KCNMA1: variants seen among roughly 807,000 people sequenced by gnomAD.
KCNMA1 encodes the protein Calcium-activated potassium channel subunit alpha-1.
Under a neutral mutation model 140.0 loss-of-function variants are expected in KCNMA1, and 29 were observed. That is an observed-to-expected ratio of 0.21 (90% CI 0.15 to 0.28). The LOEUF is 0.28. KCNMA1 is among the 10% of genes least tolerant of loss of function. KCNMA1 has a pLI of 1.00. For synonymous variants in KCNMA1, 612 were observed against 611.9 expected (o/e 1.00, Z 0.00); for missense variants, 880 against 1,602.2 (o/e 0.55, Z 7.70).
At chr10:77,060,809 A>G (rs1343954172) in intron 14 of KCNMA1, among the ~76,000 whole-genome samples, 1 of 152,168 alleles carries the variant, frequency 6.6e-6, no homozygotes, top group Admixed American at 6.5e-5. Context: ...AGAAGAAGAA[A>G]TAGGAGATGT....
chr10:77,030,859 T>C lies in KCNMA1; in HGVS notation c.1860-2968A>G, dbSNP rs182927705. On this transcript the variant is annotated intron_variant, in intron 15 of 27. Coordinates refer to ENST00000286628, the MANE Select transcript of KCNMA1 (RefSeq NM_001161352.2). ...CCCAAGCTGATTCTACAATGCCTTA[T>C]AGAAGCCCCTTTTAAAAAGTCCTTT... Among the ~76,000 whole-genome samples the C allele has an allele frequency of 7.8e-3, 1,192 of 152,278 alleles. 16 individuals carry two copies. The highest frequency in any genetic ancestry group is 0.027 in the African/African-American group (1,125 of 41,562).
At chr10:77,397,434 C>G (rs1488939257) in intron 2 of KCNMA1, among the ~76,000 whole-genome samples, 1 of 152,084 alleles carries the variant, frequency 6.6e-6, no homozygotes, top group East Asian at 1.9e-4. Context: ...ATGATTAGAT[C>G]AGGGTAACAG....
At chr10:77,632,887 C>T (rs145804309) in intron 1 of KCNMA1, among the ~76,000 whole-genome samples, 26 of 152,312 alleles carry the variant, frequency 1.7e-4, no homozygotes, top group African/African-American at 5.8e-4. Context: ...CATCAGTATG[C>T]TCTTGGTATA....
At chr10:77,561,692 A>AT (rs2066453548) in intron 1 of KCNMA1, among the ~76,000 whole-genome samples, 1 of 152,198 alleles carries the variant, frequency 6.6e-6, no homozygotes, top group South Asian at 2.1e-4. Flanking sequence ...AAGGGGCACC[A>AT]TTGGCTAGGC....
intron 1 of KCNMA1, among the ~76,000 whole-genome samples, chr10:77,508,586 T>C (rs200840201): frequency 1.1e-3 from 95 of 89,532 alleles, no homozygotes; most frequent in Middle Eastern, 5.7e-3. Context: ...CTTTTCTTTT[T>C]TTTTTTTTTT....
intron 5 of KCNMA1, among the ~76,000 whole-genome samples, chr10:77,147,395 A>G (rs985430422): frequency 6.6e-6 from 1 of 151,936 alleles, no homozygotes; most frequent in African/African-American, 2.4e-5. Flanking sequence ...CTAATCTCCA[A>G]TTCGTCTTTG....
intron 3 of KCNMA1, among the ~76,000 whole-genome samples, chr10:77,198,010 A>G (rs578075925): frequency 2.0e-5 from 3 of 152,332 alleles, no homozygotes; most frequent in Admixed American, 6.5e-5. Flanking sequence ...CCGTTACTCA[A>G]TGAAATGGCT....
chr10:76,989,902 C>G (rs1458240081), intron 19 of KCNMA1, among the ~76,000 whole-genome samples: 1 of 151,780 alleles, frequency 6.6e-6, no homozygotes, highest in African/African-American at 2.4e-5. Context: ...ATCTAGCAGT[C>G]CACTCATCCG....
At chr10:77,608,250 G>T (rs762875819) in intron 1 of KCNMA1, among the ~76,000 whole-genome samples, 1 of 152,070 alleles carries the variant, frequency 6.6e-6, no homozygotes, top group Non-Finnish European at 1.5e-5. Context: ...TTGGTTCACT[G>T]CAACCTCCAC....
chr10:77,582,240 C>T (rs1436106552), intron 1 of KCNMA1, among the ~76,000 whole-genome samples: 1 of 152,214 alleles, frequency 6.6e-6, no homozygotes, highest in Admixed American at 6.5e-5. Flanking sequence ...CTCTGATGCT[C>T]GCTAGCTGAT....
chr10:77,090,945 T>A (rs201427413), intron 9 of KCNMA1: 4 of 191,784 alleles, frequency 2.1e-5, no homozygotes, highest in African/African-American at 9.2e-5. Context: ...GGTAATGAGA[T>A]AACAAATCTT....
intron 5 of KCNMA1, among the ~76,000 whole-genome samples, chr10:77,165,575 T>A (rs2098631776): frequency 6.6e-6 from 1 of 152,232 alleles, no homozygotes; most frequent in African/African-American, 2.4e-5. Context: ...AGACAGTCCT[T>A]TATTTTAGTG....
At chr10:77,566,779 A>T (rs1030439604) in intron 1 of KCNMA1, among the ~76,000 whole-genome samples, 1 of 152,210 alleles carries the variant, frequency 6.6e-6, no homozygotes, top group African/African-American at 2.4e-5. Context: ...CCAAATGTTC[A>T]TGTACTCACT....
intron 20 of KCNMA1, among the ~76,000 whole-genome samples, chr10:76,959,946 C>T (rs532789427): frequency 1.3e-5 from 2 of 152,290 alleles, no homozygotes; most frequent in South Asian, 4.1e-4. Context: ...GTGGCACAGC[C>T]AGTGAGAGGA....
chr10:77,556,483 C>A (rs1199425699), intron 1 of KCNMA1, among the ~76,000 whole-genome samples: 2 of 97,512 alleles, frequency 2.1e-5, no homozygotes, highest in Non-Finnish European at 1.8e-5. Context: ...CCAGCCTGGA[C>A]AACAGAGTGG....
intron 23 of KCNMA1, among the ~76,000 whole-genome samples, chr10:76,941,018 G>GAAGGAAGGAAGGAAGGAAGGAAGGAAGA (rs1554960623): frequency 2.6e-5 from 1 of 38,254 alleles, no homozygotes; most frequent in African/African-American, 1.3e-4. Context: ...AGGAAGGAAG[G>GAAGGAAGGAAGGAAGGAAGGAAGGAAGA]AAGAAAGAAA....
chr10:77,575,282 T>C (rs2073654999), intron 1 of KCNMA1, among the ~76,000 whole-genome samples: 1 of 152,084 alleles, frequency 6.6e-6, no homozygotes. Flanking sequence ...AATTAAGCAG[T>C]GGTGGCAGAG....
intron 2 of KCNMA1, among the ~76,000 whole-genome samples, chr10:77,289,431 G>A (rs1049487751): frequency 4.6e-5 from 7 of 152,176 alleles, no homozygotes; most frequent in African/African-American, 1.7e-4. Flanking sequence ...CCTTACATGA[G>A]GGAAATGGAC....
chr10:77,628,032 T>G (rs554691367), intron 1 of KCNMA1, among the ~76,000 whole-genome samples: 41 of 118,164 alleles, frequency 3.5e-4, no homozygotes, highest in Non-Finnish European at 6.1e-4. Flanking sequence ...CCCAGTTCAC[T>G]CCCAAAGATG....
Sources: gnomAD v4.1 joint callset for allele counts (sites outside exome capture counted in the v4.1 genomes callset) on GRCh38, gnomAD v4.1.1 for gene constraint, MANE v1.5 for transcripts, NCBI Gene and HGNC (gene_info 2026-07-23, HGNC 2026-07-21) for gene names.